The following SOS2 variants were observed in gnomAD, a reference collection of about 807,000 sequenced individuals.
SOS2 encodes SOS Ras/Rho guanine nucleotide exchange factor 2.
A neutral mutation model predicts 148.2 loss-of-function variants in SOS2; 65 were observed. That is an observed-to-expected ratio of 0.44 (90% CI 0.36 to 0.54). The LOEUF is 0.54. SOS2 is among the 20% of genes least tolerant of loss of function. SOS2 has a pLI of 0.00. For synonymous variants in SOS2, 539 were observed against 537.1 expected (o/e 1.00, Z -0.05); for missense variants, 1,341 against 1,590.2 (o/e 0.84, Z 2.67).
chr14:50,129,687 GT>G (rs1338394752), intron 21 of SOS2, among the ~76,000 whole-genome samples: 1 of 152,138 alleles, frequency 6.6e-6, no homozygotes, highest in African/African-American at 2.4e-5. Context: ...ACCCGGCTAG[GT>G]GTTCTATACA....
chr14:50,160,379 C>CTTTTTTT (rs200021758), intron 9 of SOS2, among the ~76,000 whole-genome samples: 9 of 78,924 alleles, frequency 1.1e-4, no homozygotes, highest in African/African-American at 3.5e-4. Flanking sequence ...CAATGCTAAT[C>CTTTTTTT]TTTTTTTTTT....
intron 2 of SOS2, among the ~76,000 whole-genome samples, chr14:50,202,441 T>C (rs912623176): frequency 2.6e-5 from 4 of 152,214 alleles, no homozygotes; most frequent in African/African-American, 7.2e-5. Context: ...TGTTCAAAAC[T>C]AGTAGCAGAG....
At chr14:50,186,588 C>A (rs1396304137) in intron 5 of SOS2, among the ~76,000 whole-genome samples, 1 of 150,772 alleles carries the variant, frequency 6.6e-6, no homozygotes. Context: ...CAAGACCAAC[C>A]TGAACAACAT....
At chr14:50,211,356 G>T (rs1344366765) in intron 1 of SOS2, among the ~76,000 whole-genome samples, 1 of 151,978 alleles carries the variant, frequency 6.6e-6, no homozygotes, top group African/African-American at 2.4e-5. Context: ...TTAGATTAAG[G>T]GGGTATATGT....
At chr14:50,134,362 T>G (rs1884005496) in intron 18 of SOS2, 123 bp from the exon 19 acceptor site, 1 of 570,586 alleles carries the variant, frequency 1.8e-6, no homozygotes, top group Admixed American at 3.1e-5. Flanking sequence ...AAATAACACA[T>G]TAAGAGCCCA....
chr14:50,189,215 C>T (rs543943264), intron 4 of SOS2, among the ~76,000 whole-genome samples: 2 of 147,202 alleles, frequency 1.4e-5, no homozygotes, highest in East Asian at 2.0e-4. Flanking sequence ...CAAATAAAAT[C>T]GAGTATGGCA....
chr14:50,211,688 G>T (rs1359799406), intron 1 of SOS2, among the ~76,000 whole-genome samples: 2 of 151,776 alleles, frequency 1.3e-5, no homozygotes, highest in African/African-American at 2.4e-5. Flanking sequence ...GAACTCCTGG[G>T]CTCAAGCAAT....
intron 5 of SOS2, among the ~76,000 whole-genome samples, chr14:50,187,090 T>C (rs1885937640): frequency 1.3e-5 from 2 of 151,116 alleles, no homozygotes; most frequent in African/African-American, 2.4e-5. Context: ...TGGCTCACTA[T>C]AGTCTCAAAT....
chr14:50,158,034 C>G (rs2139621805), intron 11 of SOS2, among the ~76,000 whole-genome samples: 1 of 152,154 alleles, frequency 6.6e-6, no homozygotes, highest in South Asian at 2.1e-4. Context: ...TGTCTAGGAT[C>G]TACTTCAAAA....
intron 7 of SOS2, 47 bp from the exon 8 acceptor site, chr14:50,174,599 G>T (rs759844465): frequency 2.3e-5 from 26 of 1,140,178 alleles, no homozygotes; most frequent in Non-Finnish European, 3.1e-5. Context: ...TGACATCAAG[G>T]ATATGCAACA....
intron 14 of SOS2, among the ~76,000 whole-genome samples, chr14:50,149,171 C>T (rs573818668): frequency 3.3e-5 from 5 of 152,308 alleles, no homozygotes; most frequent in Admixed American, 2.6e-4. Flanking sequence ...GCTGGGATTA[C>T]AGGCATGAGC....
rs1029857459 is a variant in SOS2, at chr14:50,201,640, A to C, written c.214-556T>G. Among the ~76,000 whole-genome samples the C allele has an allele frequency of 3.9e-5, 6 of 152,274 alleles. No individual in the cohort carries two copies. The East Asian group carries it at 9.6e-4, about 24-fold the overall frequency. On this transcript the variant is annotated intron_variant, in intron 2 of 22. Coordinates refer to ENST00000216373, the MANE Select transcript of SOS2 (RefSeq NM_006939.4). ...CAAAAAGAAAGCTTTAAACATAATT[A>C]AGATGAACCGGAAAAAGGAAAAAAC... is the stretch of plus-strand genomic sequence containing the variant.
At chr14:50,126,278 T>G (rs1263215929) in intron 21 of SOS2, among the ~76,000 whole-genome samples, 2 of 152,186 alleles carry the variant, frequency 1.3e-5, no homozygotes, top group Non-Finnish European at 2.9e-5. Flanking sequence ...CATTTCTTTG[T>G]GGTGAGAACA....
chr14:50,203,698 C>T (rs1886573200), intron 2 of SOS2, among the ~76,000 whole-genome samples: 1 of 151,726 alleles, frequency 6.6e-6, no homozygotes, highest in Admixed American at 6.6e-5. Flanking sequence ...TATTTATATG[C>T]AGTAAAATAC....
chr14:50,158,536 A>C (rs1002853997), intron 11 of SOS2, 29 bp downstream of exon 11: 13 of 1,353,264 alleles, frequency 9.6e-6, no homozygotes, highest in Non-Finnish European at 1.4e-5. Context: ...ACAAAATGTC[A>C]ATATAACTGA....
In SOS2 at chr14:50,224,314, T is replaced by TACACACAC. The variant is rs71118856; in HGVS notation, c.87+6875_87+6882dup. On this transcript the variant is annotated intron_variant, in intron 1 of 22. Transcript: ENST00000216373. ...TCAGGAAAAAAAAAAAATATATATA[T>TACACACAC]ACACACACACACACACACACACACA... 1.4e-3 allele frequency among the ~76,000 whole-genome samples: 141 copies of TACACACAC among 101,002 alleles called. 3 individuals are homozygous for TACACACAC. Among genetic ancestry groups the TACACACAC allele is most frequent in the East Asian group, 3.2e-3 (11 of 3,488 alleles). 66.3% of individuals were successfully genotyped at this position (101,002 alleles called of 152,430 possible). A position where few individuals can be genotyped will look rare whatever the true frequency, so the allele number is the denominator to read the frequency against.
chr14:50,161,435 C>T (rs754367462), intron 9 of SOS2, 47 bp downstream of exon 9: 11 of 1,522,790 alleles, frequency 7.2e-6, no homozygotes, highest in Non-Finnish European at 8.1e-6. Context: ...GCATCAGAGA[C>T]AGCGAAGTAA....
At chr14:50,226,676 C>T (rs1281596948) in intron 1 of SOS2, among the ~76,000 whole-genome samples, 1 of 152,158 alleles carries the variant, frequency 6.6e-6, no homozygotes, top group African/African-American at 2.4e-5. Context: ...TTCTTTCTAG[C>T]TTTCTCTGAC....
chr14:50,193,272 G>A (rs1886209535), intron 4 of SOS2, among the ~76,000 whole-genome samples: 1 of 151,852 alleles, frequency 6.6e-6, no homozygotes, highest in Non-Finnish European at 1.5e-5. Context: ...AAACTCCTGG[G>A]CTCCATCTAT....
Sources: gnomAD v4.1 joint callset for allele counts (sites outside exome capture counted in the v4.1 genomes callset) on GRCh38, gnomAD v4.1.1 for gene constraint, MANE v1.5 for transcripts, NCBI Gene and HGNC (gene_info 2026-07-23, HGNC 2026-07-21) for gene names.